Variants in UBE2D2 observed in about 807,000 individuals in gnomAD.
The protein encoded by UBE2D2 is ubiquitin conjugating enzyme E2 D2, also known as ubiquitin-conjugating enzyme E2 D2.
UBE2D2 carries 2 observed loss-of-function variants against 24.2 expected under a neutral mutation model. The observed-to-expected ratio is 0.08, with a 90% CI of 0.03 to 0.26. The LOEUF is 0.26. Ranked by LOEUF, UBE2D2 falls within the 10% of genes least tolerant of loss-of-function variation. UBE2D2 has a pLI of 1.00. For missense variants in UBE2D2, 44 were observed against 177.6 expected, an observed-to-expected ratio of 0.25 and a Z score of 4.28; for synonymous variants, 58 against 56.5, an observed-to-expected ratio of 1.03 and a Z score of -0.12.
intron 1 of UBE2D2, among the ~76,000 whole-genome samples, chr5:139,541,599 C>CAAAA (rs892398676): frequency 1.7e-5 from 1 of 58,430 alleles, no homozygotes; most frequent in Non-Finnish European, 3.2e-5. Context: ...GACTCCATTT[C>CAAAA]AAAAAAAAAA....
rs371259673 is a variant in UBE2D2 at position 139,596,742 on chromosome 5, A to AAAT, written c.25-3610_25-3608dup. Among the ~76,000 whole-genome samples the AAAT allele has an allele frequency of 3.6e-3, 537 of 151,216 alleles. 3 individuals are homozygous for AAAT. The highest frequency in any genetic ancestry group is 0.011 in the African/African-American group (438 of 41,300). Reference sequence around the variant, plus strand: ...ATAGTGAGACCTTGTCTCTGCATTAAAATAATAATAATAATAATAATAGGC... The same window carrying AAAT: ...ATAGTGAGACCTTGTCTCTGCATTAAAATAATAATAATAATAATAATAATAGGC... On this transcript the variant is annotated intron_variant, in intron 1 of 6. Transcript: ENST00000398733.
chr5:139,538,073 C>A (rs1032643356), intron 1 of UBE2D2, among the ~76,000 whole-genome samples: 1 of 151,942 alleles, frequency 6.6e-6, no homozygotes, highest in African/African-American at 2.4e-5. Flanking sequence ...ACTCTTTCAC[C>A]TTGGGCTGGA....
At chr5:139,578,684 T>C (rs1185817830) in intron 1 of UBE2D2, among the ~76,000 whole-genome samples, 1 of 152,098 alleles carries the variant, frequency 6.6e-6, no homozygotes, top group East Asian at 1.9e-4. Context: ...AACTCCTGTA[T>C]TCAAGTGATC....
rs552157768 is a variant in UBE2D2 at position 139,599,828 on chromosome 5, G to A, written c.25-544G>A. On this transcript the variant is annotated intron_variant, in intron 1 of 6. Transcript: ENST00000398733. The stretch of plus-strand genomic sequence containing the variant: ...TTTGTTTGTTTGTTTTTTTGAAATG[G>A]AGTCTCGCTCTATCACCCAGGCTGG... 9.4e-4 allele frequency among the ~76,000 whole-genome samples: 142 copies of A among 151,866 alleles called. 2 individuals carry two copies. Among genetic ancestry groups the A allele is most frequent in the Admixed American group, 3.6e-3 (55 of 15,244 alleles).
intron 1 of UBE2D2, among the ~76,000 whole-genome samples, chr5:139,550,824 C>G (rs1752907956): frequency 6.6e-6 from 1 of 152,106 alleles, no homozygotes; most frequent in Non-Finnish European, 1.5e-5. Context: ...AAGGAAGAAA[C>G]TCCAAACACG....
At chr5:139,571,426 AAC>A (rs1206833962) in intron 1 of UBE2D2, among the ~76,000 whole-genome samples, 1 of 151,784 alleles carries the variant, frequency 6.6e-6, no homozygotes, top group Non-Finnish European at 1.5e-5. Flanking sequence ...AAAAAAAACA[AAC>A]ACAGATTTCA....
rs2126655308 is a variant in UBE2D2 at position 139,571,298 on chromosome 5, T to C, written c.24+9483T>C. On this transcript the variant is annotated intron_variant, in intron 1 of 6. Transcript: ENST00000398733. ...GGTGGGCACCTGTAATCCCAGCTAC[T>C]TGGGAGGCTGAGGCAGGAGAATCAC... Among the ~76,000 whole-genome samples, 2 of 151,908 alleles carry C rather than the reference T, an allele frequency of 1.3e-5. 1 individual carries two copies. The highest frequency in any genetic ancestry group is 6.8e-3 in the Middle Eastern group (2 of 294).
intron 1 of UBE2D2, among the ~76,000 whole-genome samples, chr5:139,549,783 C>G (rs1752885050): frequency 6.6e-6 from 1 of 152,246 alleles, no homozygotes; most frequent in African/African-American, 2.4e-5. Flanking sequence ...ACAGGATCCA[C>G]TAGGCGAAGC....
Position 139,623,465 on chromosome 5 carries a change from A to G in UBE2D2, c.398+4A>G, listed in dbSNP as rs1317561258. The stretch of plus-strand genomic sequence containing the variant: ...TCTACAAAACAGATAGAGAAAAGTA[A>G]GTATGGCCTCAAGATGGAAAGTTAT... On this transcript the variant is annotated splice_donor_region_variant and intron_variant, in intron 6 of 6. Coordinates refer to ENST00000398733, the MANE Select transcript of UBE2D2 (RefSeq NM_003339.3). The G allele has an allele frequency of 6.3e-7, 1 of 1,596,990 alleles. No homozygotes were observed. Among genetic ancestry groups the G allele is most frequent in the Non-Finnish European group, 8.6e-7 (1 of 1,166,552 alleles).
chr5:139,528,994 T>C (rs1752570055), intron 1 of UBE2D2, among the ~76,000 whole-genome samples: 1 of 152,184 alleles, frequency 6.6e-6, no homozygotes. Flanking sequence ...GGAAACTCAT[T>C]GCGGGACTCA....
intron 2 of UBE2D2, among the ~76,000 whole-genome samples, chr5:139,601,637 G>A (rs924873178): frequency 6.6e-6 from 1 of 151,744 alleles, no homozygotes; most frequent in Admixed American, 6.6e-5. Context: ...AGGACGGGGC[G>A]TCATGGCTCA....
At chr5:139,617,558 G>C (rs1403793056) in intron 5 of UBE2D2, among the ~76,000 whole-genome samples, 1 of 151,612 alleles carries the variant, frequency 6.6e-6, no homozygotes, top group Non-Finnish European at 1.5e-5. Context: ...TGTATTTTTA[G>C]TAGAAATTAT....
chr5:139,574,735 C>CAAAAAAAAA (rs75539434), intron 1 of UBE2D2, among the ~76,000 whole-genome samples: 10 of 70,748 alleles, frequency 1.4e-4, no homozygotes, highest in African/African-American at 4.8e-4. Context: ...GGTGGGGTGG[C>CAAAAAAAAA]AAAAAAAAAA....
At chr5:139,625,437 C>CA in intron 6 of UBE2D2, among the ~76,000 whole-genome samples, 1 of 31,300 alleles carries the variant, frequency 3.2e-5, no homozygotes, top group South Asian at 1.7e-3. Flanking sequence ...CCCACCCCCC[C>CA]CCCTTTTTTT....
chr5:139,622,822 G>A (rs937544604), intron 5 of UBE2D2, among the ~76,000 whole-genome samples: 1 of 151,868 alleles, frequency 6.6e-6, no homozygotes, highest in African/African-American at 2.4e-5. Flanking sequence ...CCTGAGAGGC[G>A]GAGCTTGCAG....
chr5:139,592,871 G>A (rs1458841826), intron 1 of UBE2D2, among the ~76,000 whole-genome samples: 2 of 151,786 alleles, frequency 1.3e-5, no homozygotes, highest in African/African-American at 4.8e-5. Flanking sequence ...CCAAAGTGCT[G>A]GGATTACAGG....
At chr5:139,560,431 C>G (rs1033781715), upstream of UBE2D2, among the ~76,000 whole-genome samples, 1 of 151,954 alleles carries the variant, frequency 6.6e-6, no homozygotes, top group Non-Finnish European at 1.5e-5. Flanking sequence ...TTCCTGACCT[C>G]GTGATCCGCC....
chr5:139,623,327 C>T, intron 5 of UBE2D2, 41 bp from the exon 6 acceptor site: 1 of 1,483,772 alleles, frequency 6.7e-7, no homozygotes, highest in Non-Finnish European at 9.3e-7. Flanking sequence ...CAACCCTTTG[C>T]TTTGATCCTC....
At chr5:139,586,184 C>G (rs1413968757) in intron 1 of UBE2D2, among the ~76,000 whole-genome samples, 1 of 151,168 alleles carries the variant, frequency 6.6e-6, no homozygotes, top group Non-Finnish European at 1.5e-5. Flanking sequence ...TGGGGTCTAG[C>G]TTAGAATTTT....
Sources: allele counts gnomAD v4.1 joint callset (sites outside exome capture counted in the v4.1 genomes callset), GRCh38; gene constraint gnomAD v4.1.1; transcripts MANE v1.5; gene names NCBI Gene and HGNC (gene_info 2026-07-23, HGNC 2026-07-21).